The following PDE4D variants were observed in gnomAD, a reference collection of about 807,000 sequenced individuals.
The protein encoded by PDE4D is 3',5'-cyclic-AMP phosphodiesterase 4D.
A neutral mutation model predicts 87.4 loss-of-function variants in PDE4D; 24 were observed. The ratio of observed to expected loss-of-function variants is 0.27; its 90% confidence interval spans 0.20 to 0.39. PDE4D has a LOEUF of 0.39. Ranked by LOEUF, PDE4D falls within the 10% of genes least tolerant of loss-of-function variation. The pLI, the probability that PDE4D is intolerant of heterozygous loss-of-function variation, is 1.00. For synonymous variants in PDE4D, 384 were observed against 383.2 expected (o/e 1.00, Z -0.02); for missense variants, 714 against 1,041.0 (o/e 0.69, Z 4.32).
intron 1 of PDE4D, among the ~76,000 whole-genome samples, chr5:60,389,129 A>G (rs541264301): frequency 1.2e-4 from 19 of 152,316 alleles, no homozygotes; most frequent in African/African-American, 4.6e-4. Context: ...CAAATCTATG[A>G]AAGGATTGGA....
Position 59,612,237 on chromosome 5 carries a change from T to TTGTTTGTTTG in PDE4D, c.455+280930_455+280931insCAAACAAACA, listed in dbSNP as rs67356056. On this transcript the variant is annotated intron_variant, in intron 1 of 14. Transcript: ENST00000340635. ...CTGATTCCTTGATTGACACTGTTTTTTTTGTTTGTTTGTTTGTTTTAGATT... is the reference window on the plus strand; with the variant it reads ...CTGATTCCTTGATTGACACTGTTTTTTGTTTGTTTGTTTGTTTGTTTGTTTGTTTTAGATT... 5.9e-4 allele frequency among the ~76,000 whole-genome samples: 89 copies of TTGTTTGTTTG among 150,512 alleles called. 1 individual carries two copies. Among genetic ancestry groups the TTGTTTGTTTG allele is most frequent in the African/African-American group, 2.1e-3 (85 of 41,104 alleles).
intron 1 of PDE4D, among the ~76,000 whole-genome samples, chr5:59,668,407 G>A (rs1191099085): frequency 1.3e-5 from 2 of 152,102 alleles, no homozygotes; most frequent in East Asian, 1.9e-4. Context: ...TCAATACTAT[G>A]ACTTATCTTT....
chr5:60,054,680 A>T (rs1770586163), intron 2 of PDE4D, among the ~76,000 whole-genome samples: 1 of 77,310 alleles, frequency 1.3e-5, no homozygotes, highest in African/African-American at 3.9e-5. Context: ...AAAGTATAAT[A>T]AAAAAAAATA....
intron 1 of PDE4D, among the ~76,000 whole-genome samples, chr5:59,750,078 T>C (rs1760196542): frequency 7.1e-6 from 1 of 140,044 alleles, no homozygotes; most frequent in Non-Finnish European, 1.5e-5. Flanking sequence ...TAGACAGAAT[T>C]ATGACCTTTT....
chr5:59,169,128 G>C (rs1782360703), intron 5 of PDE4D, among the ~76,000 whole-genome samples: 1 of 152,098 alleles, frequency 6.6e-6, no homozygotes, highest in South Asian at 2.1e-4. Context: ...TTTATTTAGA[G>C]TTAAATAATT....
Position 59,390,347 on chromosome 5 carries a change from A to C in PDE4D, c.456-174379T>G, listed in dbSNP as rs145339157. Reference sequence around the variant, plus strand: ...TCCCTGAAAAATAATATTTACAATAAATTATTCTTCACTACTGTTTGATTT... The same window carrying C: ...TCCCTGAAAAATAATATTTACAATACATTATTCTTCACTACTGTTTGATTT... On this transcript the variant is annotated intron_variant, in intron 1 of 14. Transcript: ENST00000340635. 1.8e-3 allele frequency among the ~76,000 whole-genome samples: 268 copies of C among 152,264 alleles called. 2 individuals are homozygous for C. The highest frequency in any genetic ancestry group is 5.0e-3 in the African/African-American group (207 of 41,578).
intron 3 of PDE4D, among the ~76,000 whole-genome samples, chr5:59,947,253 A>C (rs948492375): frequency 2.0e-5 from 3 of 152,190 alleles, no homozygotes; most frequent in African/African-American, 7.2e-5. Context: ...TGTAGAGAGC[A>C]CTTTGCCGTC....
chr5:59,884,899 C>T (rs1192312679), intron 1 of PDE4D, among the ~76,000 whole-genome samples: 2 of 151,748 alleles, frequency 1.3e-5, no homozygotes, highest in Non-Finnish European at 2.9e-5. Context: ...GGTAGAAAAA[C>T]TTTTCAAATG....
intron 1 of PDE4D, among the ~76,000 whole-genome samples, chr5:59,513,805 C>G (rs1810685528): frequency 6.6e-6 from 1 of 152,136 alleles, no homozygotes; most frequent in South Asian, 2.1e-4. Context: ...CACAGGATTT[C>G]ATGAAGGATA....
intron 1 of PDE4D, among the ~76,000 whole-genome samples, chr5:59,638,668 G>A (rs528249867): frequency 4.6e-5 from 7 of 152,074 alleles, no homozygotes; most frequent in South Asian, 2.1e-4. Context: ...ACAAAGATAC[G>A]TGTGAACACA....
Position 58,997,982 on chromosome 5 carries a change from C to T in PDE4D, c.922-4517G>A, listed in dbSNP as rs370552888. On this transcript the variant is annotated intron_variant, in intron 6 of 14. Coordinates refer to ENST00000340635, the MANE Select transcript of PDE4D (RefSeq NM_001104631.2). ...ATATATTTAAGGAGGTGGTATGGGT[C>T]CAATAGTAAGAAAATTTTCTTATTT... 3.3e-5 allele frequency among the ~76,000 whole-genome samples: 5 copies of T among 152,050 alleles called. No individual in the cohort carries two copies. The East Asian group carries it at 5.8e-4, about 18-fold the overall frequency.
chr5:60,359,515 C>A (rs116416545), intron 1 of PDE4D, among the ~76,000 whole-genome samples: 4 of 151,994 alleles, frequency 2.6e-5, no homozygotes, highest in African/African-American at 4.8e-5. Flanking sequence ...AAGTAGTAGC[C>A]GATTTTCCCC....
chr5:60,085,767 A>T (rs1354255339), intron 2 of PDE4D, among the ~76,000 whole-genome samples: 1 of 152,202 alleles, frequency 6.6e-6, no homozygotes, highest in African/African-American at 2.4e-5. Context: ...TGTTGTTATT[A>T]TTTAAATTGC....
chr5:60,068,039 T>A (rs1379475293), intron 2 of PDE4D, among the ~76,000 whole-genome samples: 1 of 152,222 alleles, frequency 6.6e-6, no homozygotes, highest in South Asian at 2.1e-4. Flanking sequence ...ATAGGAGTGC[T>A]AATACATCTT....
Position 59,353,583 on chromosome 5 carries a change from C to T in PDE4D, c.456-137615G>A, listed in dbSNP as rs561443123. 5.9e-5 allele frequency among the ~76,000 whole-genome samples: 9 copies of T among 152,186 alleles called. No homozygotes were observed. In the South Asian group the frequency reaches 1.5e-3, roughly 25 times the overall value. On this transcript the variant is annotated intron_variant, in intron 1 of 14. Transcript: ENST00000340635. Reference sequence around the variant, plus strand: ...CATCTTTGTAAGTGGTGCCCTAATGCTAACACTGATCCCATTACTGAAAAC... The same window carrying T: ...CATCTTTGTAAGTGGTGCCCTAATGTTAACACTGATCCCATTACTGAAAAC...
intron 1 of PDE4D, among the ~76,000 whole-genome samples, chr5:60,329,693 A>T (rs1197296719): frequency 6.6e-6 from 1 of 152,094 alleles, no homozygotes. Context: ...TCTTAGGGAG[A>T]TAGGAAGCTT....
chr5:59,747,752 AT>A (rs552529177), intron 1 of PDE4D, among the ~76,000 whole-genome samples: 95 of 152,244 alleles, frequency 6.2e-4, no homozygotes, highest in Non-Finnish European at 1.1e-3. Flanking sequence ...CTTCTTTCTC[AT>A]TTATTGTGAG....
At chr5:59,302,755 A>C (rs1770520611) in intron 1 of PDE4D, among the ~76,000 whole-genome samples, 1 of 152,044 alleles carries the variant, frequency 6.6e-6, no homozygotes, top group Admixed American at 6.6e-5. Context: ...ATATATCTGT[A>C]CACCACAGTT....
At chr5:59,569,470 AAG>A (rs2153694982) in intron 1 of PDE4D, among the ~76,000 whole-genome samples, 1 of 152,308 alleles carries the variant, frequency 6.6e-6, no homozygotes, top group East Asian at 1.9e-4. Context: ...CCAAACAAAA[AAG>A]AGAAAAATTT....
Sources: gnomAD v4.1 joint callset for allele counts (sites outside exome capture counted in the v4.1 genomes callset) on GRCh38, gnomAD v4.1.1 for gene constraint, MANE v1.5 for transcripts, NCBI Gene and HGNC (gene_info 2026-07-23, HGNC 2026-07-21) for gene names.